The following TPTE2 variants were observed in gnomAD, a reference collection of about 807,000 sequenced individuals.
TPTE2 encodes transmembrane phosphoinositide 3-phosphatase and tensin homolog 2.
A neutral mutation model predicts 78.6 loss-of-function variants in TPTE2; 53 were observed. The ratio of observed to expected loss-of-function variants is 0.67; its 90% CI spans 0.54 to 0.85. TPTE2 has a LOEUF of 0.85. TPTE2 is among the 40% of genes least tolerant of loss of function. The pLI is 0.00. For missense variants in TPTE2, 461 were observed against 623.0 expected (o/e 0.74, Z 2.77); for synonymous variants, 175 against 206.2 (o/e 0.85, Z 1.30).
chr13:19,515,451 A>C (rs1176096515), intron 1 of TPTE2, among the ~76,000 whole-genome samples: 1 of 152,216 alleles, frequency 6.6e-6, no homozygotes, highest in Non-Finnish European at 1.5e-5. Context: ...CTTTAAGCAC[A>C]GATAGACATT....
intron 3 of TPTE2, among the ~76,000 whole-genome samples, chr13:19,491,306 T>C (rs1370706431): frequency 2.0e-5 from 3 of 152,204 alleles, no homozygotes; most frequent in Non-Finnish European, 1.5e-5. Context: ...CATAGACATA[T>C]AATGAATTTC....
chr13:19,425,834 C>A (rs1876013268), intron 18 of TPTE2: 1 of 517,258 alleles, frequency 1.9e-6, no homozygotes, highest in Admixed American at 1.9e-5. Flanking sequence ...CCTCTTCTCT[C>A]TGGAATTAAT....
intron 10 of TPTE2, among the ~76,000 whole-genome samples, chr13:19,454,817 C>A (rs1234956671): frequency 1.3e-5 from 2 of 152,070 alleles, no homozygotes; most frequent in Non-Finnish European, 2.9e-5. Context: ...TTAAGTGTTG[C>A]CAAATTTATA....
In TPTE2 at chr13:19,501,891, C is replaced by T. The variant is rs573455318; in HGVS notation, c.11+1333G>A. 2.5e-3 allele frequency among the ~76,000 whole-genome samples: 376 copies of T among 151,292 alleles called. 4 individuals carry two copies. Among genetic ancestry groups the T allele is most frequent in the Non-Finnish European group, 3.2e-3 (219 of 67,852 alleles). ...CAAAATGGGAGAAAATTTTCGCAAC[C>T]TACTCATCTGATAAAGGGCTAATAT... is the stretch of plus-strand genomic sequence containing the variant. On this transcript the variant is annotated intron_variant, in intron 1 of 19. Coordinates refer to ENST00000400230, the Ensembl canonical transcript of TPTE2.
At chr13:19,433,395 C>T (rs1876823829) in intron 15 of TPTE2, among the ~76,000 whole-genome samples, 1 of 152,038 alleles carries the variant, frequency 6.6e-6, no homozygotes, top group Admixed American at 6.5e-5. Context: ...TCCCAGCACT[C>T]GGGAGGCTGA....
At chr13:19,511,920 A>T (rs1406611064) in intron 1 of TPTE2, among the ~76,000 whole-genome samples, 1 of 152,196 alleles carries the variant, frequency 6.6e-6, no homozygotes, top group Non-Finnish European at 1.5e-5. Context: ...AAAATCAATG[A>T]ATGCTAAAAC....
the TPTE2 span, chr13:19,561,034 G>C: frequency 1.9e-6 from 3 of 1,575,236 alleles, no homozygotes; most frequent in South Asian, 1.2e-5. Context: ...AGAGGCGCTT[G>C]GACAGGGAGC....
At chr13:19,498,968 T>G (rs1311535087) in intron 1 of TPTE2, among the ~76,000 whole-genome samples, 1 of 150,980 alleles carries the variant, frequency 6.6e-6, no homozygotes, top group Non-Finnish European at 1.5e-5. Flanking sequence ...ACCAAGCAAA[T>G]GGAAAACAAA....
intron 1 of TPTE2, among the ~76,000 whole-genome samples, chr13:19,509,031 A>C (rs1869256266): frequency 6.6e-6 from 1 of 152,188 alleles, no homozygotes; most frequent in African/African-American, 2.4e-5. Flanking sequence ...TAAATTATAC[A>C]TTACTGAATA....
intron 1 of TPTE2, among the ~76,000 whole-genome samples, chr13:19,525,345 A>T (rs1870432565): frequency 6.6e-6 from 1 of 152,208 alleles, no homozygotes; most frequent in African/African-American, 2.4e-5. Flanking sequence ...GTACAAAAAC[A>T]GACACACAGG....
Position 19,498,673 on chromosome 13 carries a change from G to A in TPTE2, c.11+4551C>T, listed in dbSNP as rs181363027. On this transcript the variant is annotated intron_variant, in intron 1 of 19. Transcript: ENST00000400230. ...GCGCTAAATATGGAAAGGAACAACC[G>A]GTACCAGCCACTGCAAAATCATGCC... 1.4e-3 allele frequency among the ~76,000 whole-genome samples: 213 copies of A among 151,806 alleles called. 6 individuals are homozygous for A. The East Asian group carries it at 0.025, about 18-fold the overall frequency.
rs895424349 is a variant in TPTE2 at position 19,535,218 on chromosome 13, C to A, written c.-44+1378G>T. Among the ~76,000 whole-genome samples the A allele has an allele frequency of 0.028, 343 of 12,250 alleles. 1 individual carries two copies. The highest frequency in any genetic ancestry group is 0.046 in the African/African-American group (328 of 7,062). The allele number at this position is 12,250 out of a possible 152,430, so 8.0% of individuals were successfully genotyped here. A position where few individuals can be genotyped will look rare whatever the true frequency, so the allele number is the denominator to read the frequency against. On this transcript the variant is annotated intron_variant, in intron 1 of 17. Coordinates refer to the TPTE2 transcript ENST00000390680. The surrounding 1 kb of genome is among the most constrained non-coding windows in gnomAD (Gnocchi z 5.1). ...ATTCCTTCTCAAAAAAACAAACAAA[C>A]AAAAAAATATATATATATATATATT...
chr13:19,476,018 C>T (rs553937622), intron 4 of TPTE2, among the ~76,000 whole-genome samples: 1 of 152,226 alleles, frequency 6.6e-6, no homozygotes, highest in Admixed American at 6.5e-5. Context: ...ATCTCAGTTT[C>T]CACTGCAATA....
rs566893227 is a variant in TPTE2, at chr13:19,482,318, A to G, written c.179+170T>C. On this transcript the variant is annotated intron_variant, in intron 4 of 19. Transcript: ENST00000400230. ...TGGATGGAATTTTTTTTTCAAAATA[A>G]TACTTGTCTAAGAATTCAACTGGAG... Among the ~76,000 whole-genome samples the G allele has an allele frequency of 1.8e-3, 273 of 152,268 alleles. 2 individuals are homozygous for G. The highest frequency in any genetic ancestry group is 1.8e-3 in the Non-Finnish European group (122 of 68,020).
intron 3 of TPTE2, among the ~76,000 whole-genome samples, chr13:19,484,554 G>A (rs542684152): frequency 1.3e-5 from 2 of 152,298 alleles, no homozygotes; most frequent in Admixed American, 6.5e-5. Flanking sequence ...CCAATGCTGA[G>A]AGTGGGATAT....
At chr13:19,546,978 A>G in the TPTE2 span, among the ~76,000 whole-genome samples, 116 of 152,302 alleles carry the variant, frequency 7.6e-4, no homozygotes, top group African/African-American at 2.7e-3. Flanking sequence ...AGTTACTTAA[A>G]ATTACCTAAT....
At chr13:19,438,302 T>A (rs1455106129) in intron 13 of TPTE2, 149 bp from the exon 17 acceptor site, 3 of 1,302,280 alleles carry the variant, frequency 2.3e-6, no homozygotes, top group Non-Finnish European at 2.0e-6. Flanking sequence ...AGTGGCACAA[T>A]CTTGGCTCAT....
intron 17 of TPTE2, among the ~76,000 whole-genome samples, chr13:19,426,824 C>T (rs1262808132): frequency 1.3e-5 from 2 of 151,880 alleles, no homozygotes; most frequent in Non-Finnish European, 2.9e-5. Context: ...TGTGCCTCAG[C>T]CTCCCAAGTA....
In TPTE2 at chr13:19,437,064, C is replaced by CACACACACAT. The variant is rs1414823416; in HGVS notation, c.1036-759_1036-758insATGTGTGTGT. ...ACACACACACACACACACACACACA[C>CACACACACAT]ATACACCAATATTTAAACCTTTTGA... is the stretch of plus-strand genomic sequence containing the variant. On this transcript the variant is annotated intron_variant, in intron 14 of 19. Transcript: ENST00000400230. Among the ~76,000 whole-genome samples the CACACACACAT allele has an allele frequency of 7.9e-5, 12 of 151,404 alleles. No homozygotes were observed. The South Asian group carries it at 1.9e-3, about 24-fold the overall frequency.
Sources: gnomAD v4.1 joint callset for allele counts (sites outside exome capture counted in the v4.1 genomes callset) on GRCh38, gnomAD v4.1.1 for gene constraint, Gnocchi (gnomAD v3.1) non-coding constraint, MANE v1.5 for transcripts, NCBI Gene and HGNC (gene_info 2026-07-23, HGNC 2026-07-21) for gene names.